Variants in CAMTA1 observed in about 807,000 individuals in gnomAD.
CAMTA1 encodes calmodulin-binding transcription activator 1.
CAMTA1 carries 27 observed loss-of-function variants against 170.9 expected under a neutral mutation model. The observed-to-expected ratio is 0.16, with a 90% CI of 0.12 to 0.22. The LOEUF is 0.22. Ranked by LOEUF, CAMTA1 falls within the 10% of genes least tolerant of loss-of-function variation. CAMTA1 has a pLI of 1.00. For missense variants in CAMTA1, 1,619 were observed against 2,217.2 expected (o/e 0.73, Z 5.42); for synonymous variants, 833 against 891.5 (o/e 0.93, Z 1.17).
chr1:7,243,388 T>A (rs1321480367), intron 4 of CAMTA1, among the ~76,000 whole-genome samples: 1 of 152,232 alleles, frequency 6.6e-6, no homozygotes, highest in East Asian at 1.9e-4. Flanking sequence ...TTAATCCATC[T>A]TGAATTAATT....
rs1663487844 is a variant in CAMTA1, at chr1:7,234,749, G to A, written c.303-14742G>A. ...GAGACAATTTATGTGAACAAACTGTGGCTTAACGATCTTGGGAAATTGGAA... is the reference window on the plus strand; with the variant it reads ...GAGACAATTTATGTGAACAAACTGTAGCTTAACGATCTTGGGAAATTGGAA... On this transcript the variant is annotated intron_variant, in intron 4 of 22. Coordinates refer to ENST00000303635, the MANE Select transcript of CAMTA1 (RefSeq NM_015215.4). This position sits in a 1 kb window ranked among gnomAD's most constrained non-coding sequence, Gnocchi z 5.0. 1.3e-5 allele frequency among the ~76,000 whole-genome samples: 2 copies of A among 151,538 alleles called. No homozygotes were observed. The highest frequency in any genetic ancestry group is 3.9e-4 in the East Asian group (2 of 5,164).
At chr1:6,855,360 G>C (rs1369479342) in intron 3 of CAMTA1, among the ~76,000 whole-genome samples, 1 of 151,596 alleles carries the variant, frequency 6.6e-6, no homozygotes, top group Non-Finnish European at 1.5e-5. Context: ...CAGGAAGCAT[G>C]GTGCCGGCAT....
chr1:6,941,215 C>T (rs991160521), intron 3 of CAMTA1, among the ~76,000 whole-genome samples: 3 of 152,066 alleles, frequency 2.0e-5, no homozygotes, highest in Non-Finnish European at 2.9e-5. Flanking sequence ...TGTAGAGTTC[C>T]AGCATGACTG....
chr1:7,181,031 C>T (rs921261232), intron 4 of CAMTA1, among the ~76,000 whole-genome samples: 10 of 151,968 alleles, frequency 6.6e-5, no homozygotes, highest in African/African-American at 1.5e-4. Context: ...TAACCAATAC[C>T]GCAATAAGAA....
chr1:7,664,097 C>T lies in CAMTA1; in HGVS notation c.1550C>T (p.Pro517Leu), dbSNP rs1248944384. The T allele has an allele frequency of 2.5e-6, 4 of 1,613,446 alleles. No individual in the cohort carries two copies. The highest frequency in any genetic ancestry group is 3.4e-6 in the Non-Finnish European group (4 of 1,180,044). ...AGCTCCAACATCCGGCACTCGCCAC[C>T]CGGGGAGCGGAGCTTCAGCTTTACC... Reference protein sequence around the residue: ...MVSSNIRHSPPGERSFSFTTV... With the variant: ...MVSSNIRHSPLGERSFSFTTV... The change falls in exon 9 of 23, where the codon CCC becomes CTC. Residue 517 changes from proline to leucine, a missense_variant. Physicochemically the swap from Pro to Leu is moderately conservative, Grantham distance 98. Coordinates refer to ENST00000303635, the MANE Select transcript of CAMTA1 (RefSeq NM_015215.4).
In CAMTA1 at chr1:7,647,280, G is replaced by A. The variant is rs192538693; in HGVS notation, c.664+6727G>A. 2.1e-3 allele frequency among the ~76,000 whole-genome samples: 291 copies of A among 141,362 alleles called. 2 individuals are homozygous for A. Among genetic ancestry groups the A allele is most frequent in the African/African-American group, 8.7e-3 (277 of 32,020 alleles). 92.7% of individuals were successfully genotyped at this position (141,362 alleles called of 152,430 possible). A position where few individuals can be genotyped will look rare whatever the true frequency, so the allele number is the denominator to read the frequency against. On this transcript the variant is annotated intron_variant, in intron 7 of 22. Coordinates refer to ENST00000303635, the MANE Select transcript of CAMTA1 (RefSeq NM_015215.4). The stretch of plus-strand genomic sequence containing the variant: ...CAGACAAAGACCAAAGATCCAGAAG[G>A]GGGGGGGGCTGTGTTTATTTGTTTT...
At chr1:7,743,993 A>G (rs2096837837) in intron 16 of CAMTA1, among the ~76,000 whole-genome samples, 1 of 149,904 alleles carries the variant, frequency 6.7e-6, no homozygotes. Context: ...CGCCCAGCTA[A>G]TTTTTTGTAT....
intron 5 of CAMTA1, among the ~76,000 whole-genome samples, chr1:7,328,132 G>C (rs924280252): frequency 6.6e-6 from 1 of 152,088 alleles, no homozygotes; most frequent in African/African-American, 2.4e-5. Context: ...GTTTGTTTTT[G>C]CTTTTCCTGA....
chr1:6,793,653 GT>G (rs1641749154), intron 1 of CAMTA1, among the ~76,000 whole-genome samples: 1 of 152,156 alleles, frequency 6.6e-6, no homozygotes, highest in African/African-American at 2.4e-5. Flanking sequence ...TCAACAAGGT[GT>G]ATTTGTGTCT....
intron 3 of CAMTA1, among the ~76,000 whole-genome samples, chr1:6,829,804 G>A (rs1648997453): frequency 6.6e-6 from 1 of 152,148 alleles, no homozygotes; most frequent in Admixed American, 6.5e-5. Context: ...ATATCAAGTT[G>A]ACTTTTCCAA....
chr1:7,023,689 T>TAATA (rs1195870174), intron 3 of CAMTA1, among the ~76,000 whole-genome samples: 2 of 152,078 alleles, frequency 1.3e-5, no homozygotes, highest in Non-Finnish European at 2.9e-5. Flanking sequence ...AAAACCCTTC[T>TAATA]AATAGATGGG....
chr1:6,842,816 C>T (rs1484633848), intron 3 of CAMTA1, among the ~76,000 whole-genome samples: 17 of 151,788 alleles, frequency 1.1e-4, no homozygotes, highest in African/African-American at 3.4e-4. Flanking sequence ...CCCAGCTACT[C>T]GGGAGGCCAA....
Position 7,398,641 on chromosome 1 carries a change from T to C in CAMTA1, c.439-69189T>C, listed in dbSNP as rs34893449. Among the ~76,000 whole-genome samples the C allele has an allele frequency of 9.2e-3, 1,406 of 152,176 alleles. 20 individuals are homozygous for C. Among genetic ancestry groups the C allele is most frequent in the African/African-American group, 0.032 (1,326 of 41,530 alleles). On this transcript the variant is annotated intron_variant, in intron 5 of 22. Coordinates refer to ENST00000303635, the MANE Select transcript of CAMTA1 (RefSeq NM_015215.4). ...AAGTTGGTGGAATAAATCTATCAAT[T>C]TATTATTGATAGGTAAGGACTTACT...
chr1:7,451,117 A>G (rs2092813797), intron 5 of CAMTA1, among the ~76,000 whole-genome samples: 1 of 152,142 alleles, frequency 6.6e-6, no homozygotes, highest in Non-Finnish European at 1.5e-5. Context: ...AGGTCCAGAG[A>G]GCAAACCTCC....
intron 5 of CAMTA1, among the ~76,000 whole-genome samples, chr1:7,269,606 C>T (rs1418424593): frequency 2.0e-5 from 3 of 152,132 alleles, no homozygotes; most frequent in African/African-American, 4.8e-5. Context: ...CCAGATTAGA[C>T]ACAGTGGAAA....
chr1:7,649,361 G>A (rs749936388), intron 7 of CAMTA1, among the ~76,000 whole-genome samples: 5 of 152,222 alleles, frequency 3.3e-5, no homozygotes, highest in South Asian at 2.1e-4. Context: ...CAGCGATAGC[G>A]CTGGGGGTTC....
At chr1:7,649,226 C>G (rs1223419252) in intron 7 of CAMTA1, among the ~76,000 whole-genome samples, 2 of 152,206 alleles carry the variant, frequency 1.3e-5, no homozygotes, top group African/African-American at 4.8e-5. Flanking sequence ...TTGTGAGAAA[C>G]CCTGGAGTTG....
intron 5 of CAMTA1, among the ~76,000 whole-genome samples, chr1:7,276,303 A>ATATTTTTTT: frequency 9.5e-4 from 23 of 24,214 alleles, no homozygotes; most frequent in African/African-American, 6.0e-3. Context: ...ATATATATAT[A>ATATTTTTTT]TTTTTTTTTT....
At chr1:7,121,730 G>A (rs570039360) in intron 4 of CAMTA1, among the ~76,000 whole-genome samples, 54 of 152,262 alleles carry the variant, frequency 3.5e-4, no homozygotes, top group Non-Finnish European at 7.2e-4. Flanking sequence ...CTGGCACGGC[G>A]AGTTCTGGCA....
Sources: allele counts gnomAD v4.1 joint callset (sites outside exome capture counted in the v4.1 genomes callset), GRCh38; gene constraint gnomAD v4.1.1; non-coding constraint Gnocchi (gnomAD v3.1); transcripts MANE v1.5; gene names NCBI Gene and HGNC (gene_info 2026-07-23, HGNC 2026-07-21).